Variants in CCDC146 observed in about 807,000 individuals in gnomAD.
CCDC146 encodes the protein coiled-coil domain-containing protein 146.
Under a neutral mutation model 119.3 loss-of-function variants are expected in CCDC146, and 92 were observed. The ratio of observed to expected loss-of-function variants is 0.77; its 90% CI spans 0.65 to 0.92. The LOEUF (loss-of-function observed/expected upper bound fraction) is 0.92, where lower values mean the gene tolerates loss of function less well. Among genes scored for constraint, CCDC146 ranks in the 40% least tolerant of loss-of-function variants. The pLI is 0.00. For missense variants in CCDC146, 1,000 were observed against 1,103.0 expected (o/e 0.91, Z 1.32); for synonymous variants, 372 against 371.8 (o/e 1.00, Z -0.01).
intron 2 of CCDC146, among the ~76,000 whole-genome samples, chr7:77,192,945 TAAAAA>T (rs958388887): frequency 1.3e-5 from 2 of 149,986 alleles, no homozygotes; most frequent in Admixed American, 6.6e-5. Context: ...AATAAAATAA[TAAAAA>T]AAAAGAAAAG....
intron 2 of CCDC146, among the ~76,000 whole-genome samples, chr7:77,231,043 G>A (rs1366300936): frequency 1.3e-5 from 2 of 152,178 alleles, no homozygotes; most frequent in Admixed American, 6.5e-5. Context: ...TAAATTGCAT[G>A]CTATTCTGAG....
At chr7:77,158,884 T>G (rs541259431) in intron 1 of CCDC146, among the ~76,000 whole-genome samples, 1 of 152,290 alleles carries the variant, frequency 6.6e-6, no homozygotes, top group Admixed American at 6.5e-5. Context: ...TTAATTAGAT[T>G]AATTAGTGTT....
At chr7:77,268,309 C>G (rs1264593587) in intron 9 of CCDC146, among the ~76,000 whole-genome samples, 3 of 151,990 alleles carry the variant, frequency 2.0e-5, no homozygotes, top group Non-Finnish European at 4.4e-5. Flanking sequence ...TTGTCCTGAT[C>G]CATCATGATT....
intron 11 of CCDC146, among the ~76,000 whole-genome samples, chr7:77,276,210 A>AAC (rs1793634247): frequency 6.7e-6 from 1 of 150,146 alleles, no homozygotes; most frequent in Admixed American, 6.6e-5. Flanking sequence ...CCTCTCAAAA[A>AAC]TAAAAAAAAA....
intron 1 of CCDC146, among the ~76,000 whole-genome samples, chr7:77,157,807 A>C (rs1228643267): frequency 6.6e-6 from 1 of 151,986 alleles, no homozygotes; most frequent in Admixed American, 6.6e-5. Context: ...CATAGCACCA[A>C]TTTCAGTTAA....
chr7:77,289,476 G>A (rs913406644), intron 17 of CCDC146, among the ~76,000 whole-genome samples: 1 of 152,134 alleles, frequency 6.6e-6, no homozygotes, highest in Non-Finnish European at 1.5e-5. Flanking sequence ...ATAGTAGGCA[G>A]AACTGGAAAG....
At chr7:77,177,067 C>A (rs1463104856) in intron 2 of CCDC146, among the ~76,000 whole-genome samples, 10 of 151,992 alleles carry the variant, frequency 6.6e-5, no homozygotes, top group Non-Finnish European at 1.5e-4. Context: ...AACTCCTGGG[C>A]TCAAGTGATC....
chr7:77,259,020 T>C lies in CCDC146; in HGVS notation c.710T>C (p.Ile237Thr). 4 of 1,612,734 alleles carry C rather than the reference T, an allele frequency of 2.5e-6. No homozygotes were observed. Among genetic ancestry groups the C allele is most frequent in the Non-Finnish European group, 3.4e-6 (4 of 1,178,998 alleles). The change falls in exon 7 of 19, where the codon ATT becomes ACT. Residue 237 changes from isoleucine to threonine, a missense_variant. By Grantham distance (89) the Ile-to-Thr change is moderately conservative. Coordinates refer to ENST00000285871, the MANE Select transcript of CCDC146 (RefSeq NM_020879.3). ...GATGAAGTGGCCCACCATCAAACCA[T>C]TCCAGTACAAATTGGAAAAGAGATA... Reference protein sequence around the residue: ...LKDEVAHHQTIPVQIGKEIEK... With the variant: ...LKDEVAHHQTTPVQIGKEIEK...
intron 17 of CCDC146, among the ~76,000 whole-genome samples, chr7:77,292,301 A>ATTTTTTT (rs35258178): frequency 0.013 from 1,713 of 132,584 alleles, 28 homozygotes; most frequent in African/African-American, 0.043. Context: ...CTTTATTTTA[A>ATTTTTTT]TTTTTTTTTT....
Position 77,260,060 on chromosome 7 carries a change from T to A in CCDC146, c.810T>A (p.Asn270Lys). ...TGGAACAAGAAGTCAAAACGCTAAA[T>A]GACTCCCTAAAGAAAGTTGAAAACA... Reference protein sequence around the residue: ...IVLEQEVKTLNDSLKKVENKV... With the variant: ...IVLEQEVKTLKDSLKKVENKV... The change falls in exon 8 of 19, where the codon AAT becomes AAA. Residue 270 changes from asparagine (N) to lysine (K), a missense_variant. Physicochemically the swap from Asn to Lys is moderately conservative, Grantham distance 94. Around this residue, in one of 2 missense-constraint regions of CCDC146, gnomAD observed 985 missense variants for 1,045.3 expected, o/e 0.94. Coordinates refer to ENST00000285871, the MANE Select transcript of CCDC146 (RefSeq NM_020879.3). The A allele has an allele frequency of 1.2e-6, 2 of 1,610,680 alleles. No homozygotes were observed. Among genetic ancestry groups the A allele is most frequent in the Non-Finnish European group, 1.7e-6 (2 of 1,178,428 alleles).
chr7:77,222,391 A>T (rs968788673), intron 2 of CCDC146, among the ~76,000 whole-genome samples: 2 of 152,204 alleles, frequency 1.3e-5, no homozygotes, highest in African/African-American at 4.8e-5. Context: ...TCTTCAAAAC[A>T]TGAAGGTGGG....
chr7:77,201,673 C>G (rs952247007), intron 2 of CCDC146, among the ~76,000 whole-genome samples: 1 of 151,956 alleles, frequency 6.6e-6, no homozygotes, highest in Admixed American at 6.6e-5. Flanking sequence ...GTTCTACACA[C>G]CTTATGACTT....
intron 2 of CCDC146, among the ~76,000 whole-genome samples, chr7:77,215,190 G>GTTTT (rs34787359): frequency 1.4e-5 from 2 of 142,464 alleles, no homozygotes; most frequent in Non-Finnish European, 1.5e-5. Flanking sequence ...TTTTTTTGGT[G>GTTTT]TTTTTTTTTT....
chr7:77,154,539 A>G (rs1220104077), intron 1 of CCDC146, among the ~76,000 whole-genome samples: 1 of 144,272 alleles, frequency 6.9e-6, no homozygotes, highest in East Asian at 2.1e-4. Flanking sequence ...CCCACCTATG[A>G]GTGAGAACAT....
chr7:77,162,449 AT>A (rs903023425), intron 1 of CCDC146, among the ~76,000 whole-genome samples: 10 of 152,170 alleles, frequency 6.6e-5, no homozygotes, highest in Admixed American at 6.5e-4. Context: ...TTGACTGTAT[AT>A]GCATTGGTTC....
At chr7:77,188,740 T>A (rs1039230497) in intron 2 of CCDC146, among the ~76,000 whole-genome samples, 3 of 152,204 alleles carry the variant, frequency 2.0e-5, no homozygotes, top group Non-Finnish European at 2.9e-5. Flanking sequence ...TTTTTTAAGA[T>A]ATCCAGTAAC....
At chr7:77,238,232 C>A (rs141999916) in intron 3 of CCDC146, among the ~76,000 whole-genome samples, 1 of 152,106 alleles carries the variant, frequency 6.6e-6, no homozygotes, top group Non-Finnish European at 1.5e-5. Context: ...GCTGGTCACG[C>A]CTGCCAGTGT....
intron 1 of CCDC146, among the ~76,000 whole-genome samples, chr7:77,128,848 C>T (rs1044028471): frequency 1.3e-5 from 2 of 152,108 alleles, no homozygotes; most frequent in Non-Finnish European, 2.9e-5. Flanking sequence ...GCCCCAAGTA[C>T]TTAGAAGTGA....
intron 2 of CCDC146, chr7:77,199,649 A>C (rs774275191): frequency 2.5e-6 from 4 of 1,614,076 alleles, no homozygotes; most frequent in African/African-American, 1.3e-5. Context: ...GCCTCTTCGC[A>C]TTTCCCTCTG....
Sources: gnomAD v4.1 joint callset for allele counts (sites outside exome capture counted in the v4.1 genomes callset) on GRCh38, gnomAD v4.1.1 for gene constraint, gnomAD v4.1.1 regional missense constraint, MANE v1.5 for transcripts, NCBI Gene and HGNC (gene_info 2026-07-23, HGNC 2026-07-21) for gene names.